Variants in BNIP2 observed in about 807,000 individuals in gnomAD.
BNIP2 encodes BCL2/adenovirus E1B 19 kDa protein-interacting protein 2.
A neutral mutation model predicts 43.4 loss-of-function variants in BNIP2; 36 were observed. The ratio of observed to expected loss-of-function variants is 0.83; its 90% confidence interval spans 0.64 to 1.10. The LOEUF (loss-of-function observed/expected upper bound fraction) is 1.10, where lower values mean the gene tolerates loss of function less well. Among genes scored for constraint, BNIP2 ranks in the 50% least tolerant of loss-of-function variants. The probability of loss-of-function intolerance (pLI) is 0.00; values close to 1 mark genes in which losing one functional copy is unlikely to be tolerated. For missense variants in BNIP2, 417 were observed against 374.1 expected, an observed-to-expected ratio of 1.11 and a Z score of -0.95; for synonymous variants, 146 against 121.0, an observed-to-expected ratio of 1.21 and a Z score of -1.35.
chr15:59,676,365 TATTTTTTTG>T (rs1893292152), intron 5 of BNIP2, among the ~76,000 whole-genome samples: 1 of 152,026 alleles, frequency 6.6e-6, no homozygotes, highest in Non-Finnish European at 1.5e-5. Flanking sequence ...TTATTTTTTT[TATTTTTTTG>T]TGGAGACGAG....
rs781720277 is a variant in BNIP2 at position 59,679,656 on chromosome 15, A to C, written c.231T>G (p.Ser77Arg). 3.2e-5 allele frequency: 52 copies of C among 1,612,914 alleles called. 2 individuals are homozygous for C. In the East Asian group the frequency reaches 1.1e-3, roughly 35 times the overall value. The change falls in exon 4 of 10, where the codon AGT (serine) becomes AGG (arginine). Residue 77 changes from serine to arginine, a missense_variant. By Grantham distance (110) the Ser-to-Arg change is moderately radical. Transcript: ENST00000607373. ...GSVLSDDLDESGEIDLDGLDT... is the reference protein window; with the variant it reads ...GSVLSDDLDERGEIDLDGLDT... ...CTAAGCCATCTAAGTCAATCTCCCC[A>C]CTTTCATCCAAATCATCTGACAATA...
At chr15:59,679,415 G>T in intron 4 of BNIP2, 177 bp downstream of exon 4, 1 of 550,722 alleles carries the variant, frequency 1.8e-6, no homozygotes, top group Non-Finnish European at 2.9e-6. Context: ...AAATAAGAGG[G>T]GAAAAAAGCC....
rs1300991674 is a variant in BNIP2 at position 59,662,961 on chromosome 15, G to T, written c.*1108C>A. On this transcript the variant is annotated 3_prime_UTR_variant, in exon 10 of 10. Coordinates refer to ENST00000607373, the MANE Select transcript of BNIP2 (RefSeq NM_004330.4). Reference sequence around the variant, plus strand: ...CGTGTTATCCAAAACAGCACAATATGATGATGCTAAGACTTACAAAATTAA... The same window carrying T: ...CGTGTTATCCAAAACAGCACAATATTATGATGCTAAGACTTACAAAATTAA... 1 of 152,464 alleles carries T rather than the reference G, an allele frequency of 6.6e-6. No homozygotes were observed. The highest frequency in any genetic ancestry group is 1.9e-4 in the East Asian group (1 of 5,194). The allele number at this position is 152,464 out of a possible 1,614,324, so 9.4% of individuals were successfully genotyped here.
At chr15:59,678,149 T>G in intron 4 of BNIP2, 62 bp from the exon 5 acceptor site, 1 of 1,509,304 alleles carries the variant, frequency 6.6e-7, no homozygotes, top group Non-Finnish European at 8.8e-7. Flanking sequence ...AATTATACGT[T>G]AACCACTTTA....
chr15:59,669,019 C>A, intron 8 of BNIP2, 29 bp from the exon 9 acceptor site: 1 of 1,559,508 alleles, frequency 6.4e-7, no homozygotes, highest in Non-Finnish European at 8.8e-7. Flanking sequence ...ATAATTACTT[C>A]CATATTTCTG....
chr15:59,669,047 A>G (rs2141992149), intron 8 of BNIP2, 57 bp from the exon 9 acceptor site: 1 of 1,414,146 alleles, frequency 7.1e-7, no homozygotes, highest in East Asian at 2.3e-5. Context: ...CAATGGATAC[A>G]ATGTTTACAA....
rs775836648 is a variant in BNIP2, at chr15:59,678,006, T to C, written c.377A>G (p.Asp126Gly). ...CCTGAACATACGCCAGCGTCGTCCATCTTCTTTTTCCTCTGCTGCTGTGTA... is the reference window on the plus strand; with the variant it reads ...CCTGAACATACGCCAGCGTCGTCCACCTTCTTTTTCCTCTGCTGCTGTGTA... ...TEYTAAEEKE[D>G]GRRWRMFRIG... The change falls in exon 5 of 10, where the codon GAT becomes GGT. Residue 126 changes from aspartate (D) to glycine (G), a missense_variant. Asp to Gly is a moderately conservative substitution (Grantham distance 94). Coordinates refer to ENST00000607373, the MANE Select transcript of BNIP2 (RefSeq NM_004330.4). 1.2e-6 allele frequency: 2 copies of C among 1,614,012 alleles called. No homozygotes were observed. The highest frequency in any genetic ancestry group is 2.2e-5 in the East Asian group (1 of 44,880).
chr15:59,667,597 T>G (rs1211655918), intron 9 of BNIP2, among the ~76,000 whole-genome samples: 3 of 152,214 alleles, frequency 2.0e-5, no homozygotes, highest in Admixed American at 1.3e-4. Context: ...CATGTAGAAT[T>G]TGACTGGTTA....
At chr15:59,664,375 T>C (rs1442204060) in intron 9 of BNIP2, among the ~76,000 whole-genome samples, 1 of 152,066 alleles carries the variant, frequency 6.6e-6, no homozygotes, top group Non-Finnish European at 1.5e-5. Flanking sequence ...CAAATGCATA[T>C]AAACTTTTTT....
In BNIP2 at chr15:59,671,261, T is replaced by A; in HGVS notation, c.629A>T (p.Tyr210Phe). The part of the protein sequence containing the change: ...LLVAENYMIV[Y>F]LNGATTRRKM... ...TCTTCGAGTTGTTGCACCATTTAAATAAACTATCATGTAGTTTTCTGCTAC... is the reference window on the plus strand; with the variant it reads ...TCTTCGAGTTGTTGCACCATTTAAAAAAACTATCATGTAGTTTTCTGCTAC... Residue 210 changes from tyrosine (Y) to phenylalanine (F), a missense_variant, in exon 7 of 10, where the codon TAT (tyrosine) becomes TTT (phenylalanine). Tyr to Phe is a conservative substitution (Grantham distance 22). Coordinates refer to ENST00000607373, the MANE Select transcript of BNIP2 (RefSeq NM_004330.4). 1 of 1,598,398 alleles carries A rather than the reference T, an allele frequency of 6.3e-7. No individual in the cohort carries two copies.
At position 59,668,983 on chromosome 15, in the gene BNIP2, A is replaced by G. The variant is rs1892735695; in HGVS notation, c.802T>C (p.Phe268Leu). ...AVTRPFISSK[F>L]SQKIRYVFNL... ...AACACGTATCTAATTTTTTGGCTGA[A>G]TTTCGAGCTATGGAAGAAAATAAAA... The change falls in exon 9 of 10, where the codon TTC (phenylalanine) becomes CTC (leucine). Residue 268 changes from phenylalanine (F) to leucine (L), a missense_variant. Transcript: ENST00000607373. 2 of 1,612,852 alleles carry G rather than the reference A, an allele frequency of 1.2e-6. No individual in the cohort carries two copies. The highest frequency in any genetic ancestry group is 1.7e-6 in the Non-Finnish European group (2 of 1,179,158).
chr15:59,678,645 G>A, intron 4 of BNIP2: 1 of 1,169,710 alleles, frequency 8.5e-7, no homozygotes, highest in Non-Finnish European at 1.1e-6. Context: ...ATTAGCCAAA[G>A]CATAAGCACC....
chr15:59,676,660 A>T (rs1244668706), intron 5 of BNIP2: 7 of 595,766 alleles, frequency 1.2e-5, no homozygotes, highest in Non-Finnish European at 2.1e-5. Context: ...AGAGTTTCTA[A>T]AAGTATTTAG....
At chr15:59,665,240 G>C (rs1341683359) in intron 9 of BNIP2, 1 of 151,704 alleles carries the variant, frequency 6.6e-6, no homozygotes, top group East Asian at 1.9e-4. Context: ...CTCCAGACTG[G>C]GTGACAGAGT....
chr15:59,668,659 C>T (rs948213569), intron 9 of BNIP2: 8 of 433,570 alleles, frequency 1.8e-5, no homozygotes, highest in South Asian at 4.1e-5. Flanking sequence ...GAATCACAAC[C>T]GGAAATAATT....
rs1235497434 is a variant in BNIP2 at position 59,661,530 on chromosome 15, TGA to T, written c.*2537_*2538del. The T allele has an allele frequency of 1.4e-4, 22 of 152,200 alleles. No homozygotes were observed. Among genetic ancestry groups the T allele is most frequent in the African/African-American group, 4.3e-4 (18 of 41,522 alleles). The allele number at this position is 152,200 out of a possible 1,614,324, so 9.4% of individuals were successfully genotyped here. A position where few individuals can be genotyped will look rare whatever the true frequency, so the allele number is the denominator to read the frequency against. On this transcript the variant is annotated 3_prime_UTR_variant, in exon 10 of 10. Coordinates refer to ENST00000607373, the MANE Select transcript of BNIP2 (RefSeq NM_004330.4). ...AGATTGTTAAGCTTAAATTGTGGGG[TGA>T]ATAGAACGTCTTCCCTTGGTGCTTG...
At chr15:59,677,023 T>G in intron 5 of BNIP2, 1 of 1,612,028 alleles carries the variant, frequency 6.2e-7, no homozygotes, top group South Asian at 1.1e-5. Flanking sequence ...ATCAGGAGAC[T>G]GTTAATCATT....
At chr15:59,678,874 G>A (rs1236553193) in intron 4 of BNIP2, 2 of 1,299,872 alleles carry the variant, frequency 1.5e-6, no homozygotes, top group East Asian at 5.6e-5. Context: ...AAACACATAG[G>A]CACAAAACTA....
intron 2 of BNIP2, among the ~76,000 whole-genome samples, chr15:59,681,666 C>G (rs1285692607): frequency 6.6e-6 from 1 of 151,978 alleles, no homozygotes; most frequent in Non-Finnish European, 1.5e-5. Flanking sequence ...ACGTTGGTCT[C>G]AAACTCCTGG....
Sources: gnomAD v4.1 joint callset for allele counts (sites outside exome capture counted in the v4.1 genomes callset) on GRCh38, gnomAD v4.1.1 for gene constraint, MANE v1.5 for transcripts, NCBI Gene and HGNC (gene_info 2026-07-23, HGNC 2026-07-21) for gene names.